FOXP2: variants seen among roughly 807,000 people sequenced by gnomAD.
FOXP2 encodes the protein forkhead box P2.
A neutral mutation model predicts 115.8 loss-of-function variants in FOXP2; 12 were observed. The ratio of observed to expected loss-of-function variants is 0.10; its 90% CI spans 0.07 to 0.17. The LOEUF is 0.17. Ranked by LOEUF, FOXP2 falls within the 10% of genes least tolerant of loss-of-function variation. The pLI, the probability that FOXP2 is intolerant of heterozygous loss-of-function variation, is 1.00. For missense variants in FOXP2, 629 were observed against 843.5 expected, an observed-to-expected ratio of 0.75 and a Z score of 3.15; for synonymous variants, 328 against 297.7, an observed-to-expected ratio of 1.10 and a Z score of -1.05.
chr7:114,326,782 A>G (rs1439816859), intron 2 of FOXP2, among the ~76,000 whole-genome samples: 1 of 152,214 alleles, frequency 6.6e-6, no homozygotes, highest in Non-Finnish European at 1.5e-5. Context: ...CTGTAGTCAC[A>G]GGTAAAACTT....
At chr7:114,383,133 G>T (rs1379934423) in intron 2 of FOXP2, among the ~76,000 whole-genome samples, 1 of 152,172 alleles carries the variant, frequency 6.6e-6, no homozygotes, top group African/African-American at 2.4e-5. Flanking sequence ...CTCATTTGGG[G>T]TTAGTGTCTG....
At chr7:114,453,726 A>C (rs1013704217) in intron 2 of FOXP2, among the ~76,000 whole-genome samples, 5 of 152,012 alleles carry the variant, frequency 3.3e-5, no homozygotes, top group African/African-American at 1.2e-4. Flanking sequence ...ATCTGTTTCT[A>C]TATCTCCCTT....
At chr7:114,541,208 G>A (rs1584871819) in intron 3 of FOXP2, among the ~76,000 whole-genome samples, 1 of 152,158 alleles carries the variant, frequency 6.6e-6, no homozygotes. Context: ...GCTTGACAGA[G>A]GGGTCAAGAC....
intron 1 of FOXP2, among the ~76,000 whole-genome samples, chr7:114,176,665 TTG>T (rs1204617554): frequency 3.9e-5 from 3 of 76,640 alleles, no homozygotes; most frequent in Admixed American, 1.7e-4. Flanking sequence ...ATTTCTTAGG[TTG>T]TTTTTTTTTT....
At chr7:114,098,662 A>AT (rs994481315) in intron 1 of FOXP2, among the ~76,000 whole-genome samples, 17 of 152,036 alleles carry the variant, frequency 1.1e-4, no homozygotes, top group African/African-American at 2.4e-4. Context: ...CTTGGCAATG[A>AT]TTTTTTTTGG....
chr7:114,629,786 G>A lies in FOXP2; in HGVS notation c.397-19G>A. On this transcript the variant is annotated intron_variant, in intron 4 of 16. Coordinates refer to ENST00000350908, the MANE Select transcript of FOXP2 (RefSeq NM_014491.4). The stretch of plus-strand genomic sequence containing the variant: ...GAAACTTTTGCCTTTATTTATTAAA[G>A]TCAAAATGGTTTATTCAGCAACAAC... 1 of 1,613,876 alleles carries A rather than the reference G, an allele frequency of 6.2e-7. No individual in the cohort carries two copies. Among genetic ancestry groups the A allele is most frequent in the Non-Finnish European group, 8.5e-7 (1 of 1,179,954 alleles).
At chr7:114,533,540 A>T (rs2129276747) in intron 2 of FOXP2, among the ~76,000 whole-genome samples, 1 of 152,072 alleles carries the variant, frequency 6.6e-6, no homozygotes, top group East Asian at 1.9e-4. Flanking sequence ...ACTTTTTATC[A>T]GCTGAAATTC....
intron 2 of FOXP2, among the ~76,000 whole-genome samples, chr7:114,329,256 G>T (rs577799324): frequency 6.6e-6 from 1 of 151,982 alleles, no homozygotes; most frequent in Non-Finnish European, 1.5e-5. Context: ...GGTGGTTCAC[G>T]CCTGTAATCC....
At position 114,421,979 on chromosome 7, in the gene FOXP2, G is replaced by A. The variant is rs1047511340; in HGVS notation, c.-10-4523G>A. On this transcript the variant is annotated intron_variant, in intron 1 of 16. Coordinates refer to ENST00000350908, the MANE Select transcript of FOXP2 (RefSeq NM_014491.4). ...ACTTAACTAATATTTTGAGGTAAAC[G>A]TATGAGGTTTCTTGTTACATATGTT... is the stretch of plus-strand genomic sequence containing the variant. Among the ~76,000 whole-genome samples, 6 of 151,632 alleles carry A rather than the reference G, an allele frequency of 4.0e-5. No individual in the cohort carries two copies. In the South Asian group the frequency reaches 1.2e-3, roughly 31 times the overall value.
chr7:114,544,075 C>G (rs995332334), intron 3 of FOXP2, among the ~76,000 whole-genome samples: 2 of 152,028 alleles, frequency 1.3e-5, no homozygotes, highest in East Asian at 3.9e-4. Context: ...AGGCTGGGCT[C>G]TAAATCCTGG....
chr7:114,629,472 T>C (rs953998054), intron 4 of FOXP2: 38 of 842,228 alleles, frequency 4.5e-5, no homozygotes, highest in Non-Finnish European at 6.2e-5. Flanking sequence ...TTTTTATTCT[T>C]ACAACTGGTA....
At chr7:114,277,732 T>C (rs779986483) in intron 1 of FOXP2, among the ~76,000 whole-genome samples, 11 of 152,256 alleles carry the variant, frequency 7.2e-5, no homozygotes, top group Non-Finnish European at 1.2e-4. Context: ...TTATACTGTA[T>C]GTTGCTGAAG....
Position 114,265,834 on chromosome 7 carries a change from C to T in FOXP2, c.-101-22185C>T, listed in dbSNP as rs943699986. Among the ~76,000 whole-genome samples, 68 of 152,270 alleles carry T rather than the reference C, an allele frequency of 4.5e-4. 2 individuals carry two copies. Among genetic ancestry groups the T allele is most frequent in the South Asian group, 2.5e-3 (12 of 4,834 alleles). On this transcript the variant is annotated intron_variant, in intron 1 of 17. Coordinates refer to the FOXP2 transcript ENST00000634411. ...GGGAACCTGCCAAGGATTATGGCTT[C>T]CACCTTAATGGCAGCAGCCCAAGCT...
chr7:114,327,818 T>TTTGTC (rs1554369191), intron 2 of FOXP2, among the ~76,000 whole-genome samples: 2 of 151,032 alleles, frequency 1.3e-5, no homozygotes, highest in Non-Finnish European at 2.9e-5. Flanking sequence ...TTTGTTTTGT[T>TTTGTC]TTGTCTTGTC....
At chr7:114,471,458 AT>A (rs1157015308) in intron 2 of FOXP2, among the ~76,000 whole-genome samples, 6 of 152,122 alleles carry the variant, frequency 3.9e-5, no homozygotes, top group Non-Finnish European at 7.4e-5. Context: ...TTGTCCATCT[AT>A]TTTTTAAGTC....
At chr7:114,347,227 G>T (rs1194192851) in intron 2 of FOXP2, among the ~76,000 whole-genome samples, 1 of 151,662 alleles carries the variant, frequency 6.6e-6, no homozygotes, top group Non-Finnish European at 1.5e-5. Context: ...TTATACTTTT[G>T]TTTTCTGGTG....
At chr7:114,120,951 G>T (rs1432404130) in intron 1 of FOXP2, among the ~76,000 whole-genome samples, 2 of 151,848 alleles carry the variant, frequency 1.3e-5, no homozygotes, top group South Asian at 2.1e-4. Context: ...ACAGGGAGGG[G>T]GAAGAATACA....
At chr7:114,248,320 T>A (rs1795344598) in intron 1 of FOXP2, among the ~76,000 whole-genome samples, 1 of 152,120 alleles carries the variant, frequency 6.6e-6, no homozygotes, top group Non-Finnish European at 1.5e-5. Flanking sequence ...GTTTACCCAG[T>A]CTCTCAATTC....
At chr7:114,375,746 T>C (rs549967735) in intron 2 of FOXP2, among the ~76,000 whole-genome samples, 16 of 152,300 alleles carry the variant, frequency 1.1e-4, no homozygotes, top group African/African-American at 2.9e-4. Context: ...CTCTCATCTT[T>C]AGATAGTCTA....
Sources: allele counts gnomAD v4.1 joint callset (sites outside exome capture counted in the v4.1 genomes callset), GRCh38; gene constraint gnomAD v4.1.1; transcripts MANE v1.5; gene names NCBI Gene and HGNC (gene_info 2026-07-23, HGNC 2026-07-21).